The following TK2 variants were observed in gnomAD, a reference collection of about 807,000 sequenced individuals.
TK2 encodes thymidine kinase 2, mitochondrial.
TK2 carries 35 observed loss-of-function variants against 41.9 expected under a neutral mutation model. The ratio of observed to expected loss-of-function variants is 0.84; its 90% CI spans 0.64 to 1.11. TK2 has a LOEUF of 1.11. Among genes scored for constraint, TK2 ranks in the 50% least tolerant of loss-of-function variants. The probability of loss-of-function intolerance (pLI) is 0.00; values close to 1 mark genes in which losing one functional copy is unlikely to be tolerated. For synonymous variants in TK2, 128 were observed against 129.1 expected, an observed-to-expected ratio of 0.99 and a Z score of 0.06; for missense variants, 320 against 351.1, an observed-to-expected ratio of 0.91 and a Z score of 0.71.
In TK2 at chr16:66,517,262, G is replaced by A. The variant is rs1256396584; in HGVS notation, c.539-47C>T. ...GCTCTCAGGACTCTGCTCATGGCTT[G>A]GAAGCAAAGCAGGCACACAGGCAAA... On this transcript the variant is annotated intron_variant, in intron 7 of 9. Coordinates refer to ENST00000544898, the MANE Select transcript of TK2 (RefSeq NM_004614.5). This position sits in a 1 kb window ranked among gnomAD's most constrained non-coding sequence, Gnocchi z 4.3. The A allele has an allele frequency of 6.5e-7, 1 of 1,550,278 alleles. No homozygotes were observed. Among genetic ancestry groups the A allele is most frequent in the East Asian group, 2.2e-5 (1 of 44,526 alleles).
At chr16:66,516,492 C>T (rs192309684) in intron 8 of TK2, among the ~76,000 whole-genome samples, 264 of 152,224 alleles carry the variant, frequency 1.7e-3, no homozygotes, top group Admixed American at 3.0e-3. Context: ...GGAAATTGCA[C>T]GAGTGGTGAT....
chr16:66,528,587 T>G (rs1965006813), intron 6 of TK2, among the ~76,000 whole-genome samples: 1 of 152,186 alleles, frequency 6.6e-6, no homozygotes, highest in African/African-American at 2.4e-5. Context: ...CTGAAAAATA[T>G]GTCCTTGCAT....
chr16:66,535,935 T>C (rs1467782053), intron 4 of TK2, among the ~76,000 whole-genome samples: 1 of 152,200 alleles, frequency 6.6e-6, no homozygotes, highest in Non-Finnish European at 1.5e-5. Context: ...CCGGGCACAG[T>C]GGCTCACGCC....
chr16:66,524,633 C>T (rs145278132), intron 6 of TK2, among the ~76,000 whole-genome samples: 167 of 152,286 alleles, frequency 1.1e-3, no homozygotes, highest in Middle Eastern at 6.8e-3. Context: ...CCACTACACC[C>T]GGCCCTGCCA....
intron 3 of TK2, among the ~76,000 whole-genome samples, chr16:66,539,337 G>A (rs1459565425): frequency 3.9e-5 from 6 of 152,102 alleles, no homozygotes; most frequent in Admixed American, 2.6e-4. Context: ...GGTGGCTCAC[G>A]CCTGTAATCC....
intron 6 of TK2, among the ~76,000 whole-genome samples, chr16:66,523,687 G>C (rs1197261252): frequency 6.6e-6 from 1 of 152,128 alleles, no homozygotes; most frequent in African/African-American, 2.4e-5. Flanking sequence ...AAATGAGCCA[G>C]GCGTGGTGGT....
At chr16:66,549,179 G>A in intron 1 of TK2, 170 bp from the exon 2 acceptor site, 2 of 1,478,680 alleles carry the variant, frequency 1.4e-6, no homozygotes, top group Admixed American at 2.5e-5. Context: ...CCGTCTCGCC[G>A]ATGTGCCACC....
intron 3 of TK2, 102 bp from the exon 4 acceptor site, chr16:66,537,119 G>GA: frequency 1.3e-6 from 2 of 1,529,994 alleles, no homozygotes; most frequent in Non-Finnish European, 1.8e-6. Flanking sequence ...GAAAAAGAGA[G>GA]AAAAAGACTA....
rs2144322977 is a variant in TK2 at position 66,509,266 on chromosome 16, A to AG, written c.*2701dup. 6.6e-6 allele frequency: 1 copy of AG among 152,458 alleles called. No homozygotes were observed. The highest frequency in any genetic ancestry group is 2.4e-5 in the African/African-American group (1 of 41,564). 9.4% of individuals were successfully genotyped at this position (152,458 alleles called of 1,614,324 possible). A position where few individuals can be genotyped will look rare whatever the true frequency, so the allele number is the denominator to read the frequency against. ...CTGCCATCCTGGACAGTCAGGCCCC[A>AG]GAGGAAGGAAGCCAGGAGCCAAGAG... On this transcript the variant is annotated 3_prime_UTR_variant, in exon 10 of 10. Coordinates refer to ENST00000544898, the MANE Select transcript of TK2 (RefSeq NM_004614.5).
intron 4 of TK2, among the ~76,000 whole-genome samples, chr16:66,532,053 T>C (rs537588528): frequency 6.9e-6 from 1 of 145,914 alleles, no homozygotes; most frequent in African/African-American, 2.6e-5. Context: ...ACCCTAAACC[T>C]CAGCATCATG....
intron 6 of TK2, chr16:66,518,094 G>A (rs572050460): frequency 1.2e-5 from 7 of 600,532 alleles, no homozygotes; most frequent in Middle Eastern, 4.0e-4. Context: ...ATGCTGCAAG[G>A]GCCATGGCAC....
At position 66,508,249 on chromosome 16, in the gene TK2, T is replaced by C. The variant is rs1452503544; in HGVS notation, c.*3719A>G. 6.6e-6 allele frequency: 1 copy of C among 152,262 alleles called. No homozygotes were observed. The highest frequency in any genetic ancestry group is 1.5e-5 in the Non-Finnish European group (1 of 68,042). The allele number at this position is 152,262 out of a possible 1,614,324, so 9.4% of individuals were successfully genotyped here. On this transcript the variant is annotated 3_prime_UTR_variant, in exon 10 of 10. Coordinates refer to ENST00000544898, the MANE Select transcript of TK2 (RefSeq NM_004614.5). Reference sequence around the variant, plus strand: ...CATAGGCTTTCTCTTAGCTTCTGTTTAATGATAGCTTTTGCCAAGTTCACC... The same window carrying C: ...CATAGGCTTTCTCTTAGCTTCTGTTCAATGATAGCTTTTGCCAAGTTCACC...
rs1235811528 is a variant in TK2 at position 66,514,910 on chromosome 16, G to C, written c.619-1099C>G. Among the ~76,000 whole-genome samples, 2 of 152,146 alleles carry C rather than the reference G, an allele frequency of 1.3e-5. No homozygotes were observed. ...GAAACGTGTGCTGTGTCCACTAAGG[G>C]TTAAATGGATTAAGGGCGATGCAAG... On this transcript the variant is annotated intron_variant, in intron 8 of 9. Coordinates refer to ENST00000544898, the MANE Select transcript of TK2 (RefSeq NM_004614.5). This position sits in a 1 kb window ranked among gnomAD's most constrained non-coding sequence, Gnocchi z 4.2.
At position 66,549,970 on chromosome 16, in the gene TK2, G is replaced by C; in HGVS notation, c.92C>G (p.Pro31Arg). 1 of 1,465,334 alleles carries C rather than the reference G, an allele frequency of 6.8e-7. No homozygotes were observed. The highest frequency in any genetic ancestry group is 8.9e-7 in the Non-Finnish European group (1 of 1,119,190). The allele number at this position is 1,465,334 out of a possible 1,614,324, so 90.8% of individuals were successfully genotyped here. Residue 31 changes from proline to arginine, a missense_variant, in exon 1 of 10, where the codon CCG (proline) becomes CGG (arginine). By Grantham distance (103) the Pro-to-Arg change is moderately radical (BLOSUM62 -2). Transcript: ENST00000544898. ...SRGSPASGPG[P>R]RRVQRRAWPP... ...CCAGGCCCGGCGCTGCACCCTCCGC[G>C]GCCCGGGGCCTGAGGCCGGGCTCCC...
At chr16:66,519,813 C>A (rs1006425149) in intron 6 of TK2, among the ~76,000 whole-genome samples, 1 of 152,108 alleles carries the variant, frequency 6.6e-6, no homozygotes, top group East Asian at 1.9e-4. Flanking sequence ...GAGCCATGTG[C>A]AATGGGAGGC....
At chr16:66,530,916 T>C (rs1021315835) in intron 5 of TK2, among the ~76,000 whole-genome samples, 5 of 151,972 alleles carry the variant, frequency 3.3e-5, no homozygotes, top group Non-Finnish European at 5.9e-5. Flanking sequence ...AGAGATGGGG[T>C]TTCACCATGT....
At chr16:66,526,780 G>T (rs748441323) in intron 6 of TK2, among the ~76,000 whole-genome samples, 2 of 152,166 alleles carry the variant, frequency 1.3e-5, no homozygotes, top group African/African-American at 4.8e-5. Flanking sequence ...AAGAGCCACT[G>T]ACCCCACACA....
rs1567519423 is a variant in TK2 at position 66,508,506 on chromosome 16, A to C, written c.*3462T>G. On this transcript the variant is annotated 3_prime_UTR_variant, in exon 10 of 10. Coordinates refer to ENST00000544898, the MANE Select transcript of TK2 (RefSeq NM_004614.5). ...TTTAATAACTAACTCTTCAGGGTGG[A>C]GAGGGCCAAGGAGATGGGTGTTCCT... 2 of 152,268 alleles carry C rather than the reference A, an allele frequency of 1.3e-5. No homozygotes were observed. Among genetic ancestry groups the C allele is most frequent in the Non-Finnish European group, 2.9e-5 (2 of 68,060 alleles). 9.4% of individuals were successfully genotyped at this position (152,268 alleles called of 1,614,324 possible). A position where few individuals can be genotyped will look rare whatever the true frequency, so the allele number is the denominator to read the frequency against.
At chr16:66,544,711 G>C (rs985131236) in intron 2 of TK2, among the ~76,000 whole-genome samples, 1 of 152,208 alleles carries the variant, frequency 6.6e-6, no homozygotes, top group Non-Finnish European at 1.5e-5. Context: ...AACTGAAACT[G>C]TGATGAGCCA....
Sources: gnomAD v4.1 joint callset for allele counts (sites outside exome capture counted in the v4.1 genomes callset) on GRCh38, gnomAD v4.1.1 for gene constraint, Gnocchi (gnomAD v3.1) non-coding constraint, MANE v1.5 for transcripts, NCBI Gene and HGNC (gene_info 2026-07-23, HGNC 2026-07-21) for gene names.